ADAM2: variants seen among roughly 807,000 people sequenced by gnomAD.
ADAM2 encodes the protein disintegrin and metalloproteinase domain-containing protein 2.
ADAM2 carries 101 observed loss-of-function variants against 99.3 expected under a neutral mutation model. The ratio of observed to expected loss-of-function variants is 1.02; its 90% CI spans 0.87 to 1.20. The LOEUF (loss-of-function observed/expected upper bound fraction) is 1.20, where lower values mean the gene tolerates loss of function less well. Among genes scored for constraint, ADAM2 ranks in the 50% most tolerant of loss-of-function variants. The pLI, the probability that ADAM2 is intolerant of heterozygous loss-of-function variation, is 0.00. For missense variants in ADAM2, 948 were observed against 878.7 expected (o/e 1.08, Z -1.00); for synonymous variants, 323 against 287.6 (o/e 1.12, Z -1.25).
chr8:39,752,053 CTT>C (rs1270475842), intron 16 of ADAM2, among the ~76,000 whole-genome samples: 1 of 151,996 alleles, frequency 6.6e-6, no homozygotes. Context: ...GGCTCATACT[CTT>C]TTTTTAAAGG....
At chr8:39,826,855 C>T (rs1221395311) in intron 3 of ADAM2, among the ~76,000 whole-genome samples, 7 of 151,852 alleles carry the variant, frequency 4.6e-5, no homozygotes, top group Non-Finnish European at 7.4e-5. Flanking sequence ...GATATGACTA[C>T]AAAAGCACAG....
At chr8:39,787,690 A>G (rs1171868717) in intron 9 of ADAM2, among the ~76,000 whole-genome samples, 1 of 151,644 alleles carries the variant, frequency 6.6e-6, no homozygotes, top group Non-Finnish European at 1.5e-5. Flanking sequence ...AGAGATATTA[A>G]AACATAGTGT....
intron 7 of ADAM2, among the ~76,000 whole-genome samples, chr8:39,796,450 A>G (rs548798670): frequency 2.6e-5 from 4 of 152,274 alleles, no homozygotes; most frequent in African/African-American, 4.8e-5. Context: ...ATTGATGGGC[A>G]TTTGACTTGG....
Position 39,817,541 on chromosome 8 carries a change from A to G in ADAM2, c.513+3461T>C, listed in dbSNP as rs555028375. On this transcript the variant is annotated intron_variant, in intron 6 of 20. Transcript: ENST00000265708. ...AAATGTTTAAGGTAATAAATAAGCT[A>G]ATTACCCTGATTTGATCATTACACA... is the stretch of plus-strand genomic sequence containing the variant. 9.9e-5 allele frequency among the ~76,000 whole-genome samples: 15 copies of G among 152,270 alleles called. 1 individual carries two copies. The highest frequency in any genetic ancestry group is 3.6e-4 in the African/African-American group (15 of 41,586).
intron 15 of ADAM2, among the ~76,000 whole-genome samples, chr8:39,757,231 C>T (rs1802182247): frequency 6.6e-6 from 1 of 151,746 alleles, no homozygotes; most frequent in Non-Finnish European, 1.5e-5. Context: ...ACTTGCTCAA[C>T]TACGGCTGCC....
chr8:39,778,744 GA>G (rs1277822510), intron 10 of ADAM2, among the ~76,000 whole-genome samples: 5 of 151,970 alleles, frequency 3.3e-5, no homozygotes, highest in Non-Finnish European at 5.9e-5. Context: ...AGGGGAAGGA[GA>G]AGGAGAGAGA....
chr8:39,808,745 G>A (rs767444386), intron 7 of ADAM2, among the ~76,000 whole-genome samples: 9 of 151,946 alleles, frequency 5.9e-5, no homozygotes, highest in African/African-American at 1.2e-4. Context: ...GTGAAACCCC[G>A]TCTCTACTAA....
Position 39,749,403 on chromosome 8 carries a change from A to G in ADAM2, c.1923T>C (p.Pro641=). The change falls in exon 18 of 21, where the codon CCT becomes CCC. Residue 641 remains proline (P), a synonymous_variant. Transcript: ENST00000265708. ...GATCTGATTGAACTGAGCAATCTGG[A>G]GGTAAATATGAAGCACTACAGTGAC... The part of the protein sequence containing the change: ...KHCHCSASYL[P]PDCSVQSDLW... 6.2e-7 allele frequency: 1 copy of G among 1,613,372 alleles called. No homozygotes were observed. The highest frequency in any genetic ancestry group is 8.5e-7 in the Non-Finnish European group (1 of 1,179,484).
intron 6 of ADAM2, among the ~76,000 whole-genome samples, chr8:39,812,326 A>T: frequency 6.6e-6 from 1 of 152,210 alleles, no homozygotes; most frequent in Non-Finnish European, 1.5e-5. Flanking sequence ...GGAAGAATCA[A>T]TATTGTGAAA....
At chr8:39,753,452 GA>G (rs1255138925) in intron 16 of ADAM2, among the ~76,000 whole-genome samples, 1 of 152,074 alleles carries the variant, frequency 6.6e-6, no homozygotes, top group Admixed American at 6.5e-5. Context: ...ATGTTCTGGG[GA>G]AAAATTTAAG....
At chr8:39,802,359 T>C (rs117098693) in intron 7 of ADAM2, among the ~76,000 whole-genome samples, 2,413 of 152,288 alleles carry the variant, frequency 0.016, 24 homozygotes, top group Non-Finnish European at 0.026. Flanking sequence ...GCTGAAGGAT[T>C]CACAAGCCTC....
intron 11 of ADAM2, 28 bp downstream of exon 11, chr8:39,776,997 T>C (rs771801227): frequency 2.2e-6 from 3 of 1,336,698 alleles, no homozygotes; most frequent in South Asian, 1.2e-5. Flanking sequence ...AAACTATATA[T>C]GTAAAGTATA....
chr8:39,784,641 C>T (rs1029564065), intron 10 of ADAM2, among the ~76,000 whole-genome samples: 1 of 152,178 alleles, frequency 6.6e-6, no homozygotes, highest in Admixed American at 6.5e-5. Context: ...CTTTGTTAAT[C>T]AGTGAAGGCC....
chr8:39,753,906 C>G (rs1172376568), intron 16 of ADAM2, among the ~76,000 whole-genome samples: 1 of 152,128 alleles, frequency 6.6e-6, no homozygotes, highest in Admixed American at 6.6e-5. Context: ...AACCTGCCAA[C>G]TTGCCCAGTG....
intron 15 of ADAM2, among the ~76,000 whole-genome samples, chr8:39,757,646 A>G (rs1426356570): frequency 2.6e-5 from 4 of 152,322 alleles, no homozygotes; most frequent in Admixed American, 2.0e-4. Context: ...TCCCAGAGGC[A>G]TAACGAAATG....
intron 7 of ADAM2, among the ~76,000 whole-genome samples, chr8:39,793,891 C>A (rs1803826068): frequency 6.6e-6 from 1 of 152,020 alleles, no homozygotes; most frequent in East Asian, 1.9e-4. Context: ...GCAGAAATAG[C>A]CTCGTCAGAG....
At chr8:39,769,864 T>C (rs1802710453) in intron 11 of ADAM2, among the ~76,000 whole-genome samples, 1 of 152,208 alleles carries the variant, frequency 6.6e-6, no homozygotes, top group South Asian at 2.1e-4. Context: ...TGCTGTTTCA[T>C]TTGTGCTCTT....
At chr8:39,755,208 A>C (rs1426740455) in intron 16 of ADAM2, among the ~76,000 whole-genome samples, 1 of 152,222 alleles carries the variant, frequency 6.6e-6, no homozygotes, top group Non-Finnish European at 1.5e-5. Context: ...CAATTCAGTG[A>C]ATACACATAA....
chr8:39,744,779 T>C (rs190593179), intron 20 of ADAM2, 51 bp downstream of exon 20: 2 of 1,222,640 alleles, frequency 1.6e-6, no homozygotes, highest in Admixed American at 2.1e-5. Flanking sequence ...TCTGCACCTG[T>C]GTCCCAGTAC....
Sources: gnomAD v4.1 joint callset for allele counts (sites outside exome capture counted in the v4.1 genomes callset) on GRCh38, gnomAD v4.1.1 for gene constraint, MANE v1.5 for transcripts, NCBI Gene and HGNC (gene_info 2026-07-23, HGNC 2026-07-21) for gene names.